Variants in HDC observed in about 807,000 individuals in gnomAD.
HDC encodes the protein histidine decarboxylase.
A neutral mutation model predicts 64.4 loss-of-function variants in HDC; 27 were observed. That is an observed-to-expected ratio of 0.42 (90% CI 0.31 to 0.58). The LOEUF is 0.58. HDC is among the 20% of genes least tolerant of loss of function. The pLI is 0.16. For missense variants in HDC, 711 were observed against 833.9 expected, an observed-to-expected ratio of 0.85 and a Z score of 1.81; for synonymous variants, 305 against 314.2, an observed-to-expected ratio of 0.97 and a Z score of 0.31.
chr15:50,264,570 T>C (rs2140945427), intron 1 of HDC, among the ~76,000 whole-genome samples: 1 of 152,314 alleles, frequency 6.6e-6, no homozygotes, highest in East Asian at 1.9e-4. Flanking sequence ...CAGTCTTCAG[T>C]GCCTCTGTTG....
At chr15:50,262,733 G>A (rs1006814526) in intron 2 of HDC, among the ~76,000 whole-genome samples, 12 of 152,192 alleles carry the variant, frequency 7.9e-5, no homozygotes, top group Admixed American at 1.3e-4. Flanking sequence ...CTGGGCCAAC[G>A]CAACCTGGTC....
chr15:50,258,926 C>T (rs1404076249), intron 2 of HDC, among the ~76,000 whole-genome samples: 4 of 151,802 alleles, frequency 2.6e-5, no homozygotes, highest in Non-Finnish European at 4.4e-5. Context: ...TTTGGGAGGC[C>T]GAGGCAGGTG....
At position 50,258,197 on chromosome 15, in the gene HDC, C is replaced by T. The variant is rs143053681; in HGVS notation, c.318+207G>A. Among the ~76,000 whole-genome samples the T allele has an allele frequency of 1.4e-3, 220 of 152,200 alleles. 1 individual carries two copies. The highest frequency in any genetic ancestry group is 5.1e-3 in the African/African-American group (212 of 41,532). ...AGTTGCTTAAGCCTCGATTTCTTCA[C>T]CTACAAAATGGGATCAATACTCGTG... On this transcript the variant is annotated intron_variant, in intron 3 of 11. Coordinates refer to ENST00000267845, the MANE Select transcript of HDC (RefSeq NM_002112.4).
chr15:50,247,794 T>C (rs2045502098), intron 10 of HDC, among the ~76,000 whole-genome samples: 2 of 152,220 alleles, frequency 1.3e-5, no homozygotes, highest in African/African-American at 4.8e-5. Flanking sequence ...TGTTCCAGAC[T>C]TGGTAGGTCT....
chr15:50,261,275 T>C (rs537270131), intron 2 of HDC, among the ~76,000 whole-genome samples: 1 of 152,238 alleles, frequency 6.6e-6, no homozygotes, highest in Non-Finnish European at 1.5e-5. Context: ...CTTGATCAAA[T>C]GAATCAGCTC....
At chr15:50,250,045 G>T (rs1271422460) in intron 9 of HDC, among the ~76,000 whole-genome samples, 1 of 152,212 alleles carries the variant, frequency 6.6e-6, no homozygotes, top group African/African-American at 2.4e-5. Flanking sequence ...CCTTGCCAAG[G>T]CTAAGGTAAC....
chr15:50,257,103 C>G (rs1422960463), intron 4 of HDC, among the ~76,000 whole-genome samples: 1 of 152,162 alleles, frequency 6.6e-6, no homozygotes, highest in Non-Finnish European at 1.5e-5. Flanking sequence ...TTCTCCTTTC[C>G]CCTTTTACCG....
In HDC at chr15:50,265,615, C is replaced by G. The variant is rs1264102414; in HGVS notation, c.9G>C (p.Glu3Asp). Residue 3 changes from glutamate to aspartate, a missense_variant, in exon 1 of 12, where the codon GAG (glutamate) becomes GAC (aspartate). By Grantham distance (45) the Glu-to-Asp change is conservative. Around this residue, in one of 3 missense-constraint regions of HDC, gnomAD observed 225 missense variants for 276.2 expected, o/e 0.81. Coordinates refer to ENST00000267845, the MANE Select transcript of HDC (RefSeq NM_002112.4). MM[E>D]PEEYRERGRE... ...CACCTCTCTCTCTGTACTCCTCAGGCTCCATCATCTCCCTTGGGCTCTGGC... is the reference window on the plus strand; with the variant it reads ...CACCTCTCTCTCTGTACTCCTCAGGGTCCATCATCTCCCTTGGGCTCTGGC... 1.9e-6 allele frequency: 3 copies of G among 1,613,778 alleles called. No homozygotes were observed. In the African/African-American group the frequency reaches 4.0e-5, roughly 22 times the overall value.
rs1206053067 is a variant in HDC at position 50,248,664 on chromosome 15, A to G, written c.1042-321T>C. Among the ~76,000 whole-genome samples the G allele has an allele frequency of 6.6e-6, 1 of 152,234 alleles. No homozygotes were observed. The highest frequency in any genetic ancestry group is 1.5e-5 in the Non-Finnish European group (1 of 68,032). Reference sequence around the variant, plus strand: ...CATTTCATCCCGGCCCAGAAACTCAACATAAGGGAAATACATTTTTACTCT... The same window carrying G: ...CATTTCATCCCGGCCCAGAAACTCAGCATAAGGGAAATACATTTTTACTCT... On this transcript the variant is annotated intron_variant, in intron 9 of 11. Transcript: ENST00000267845. This position sits in a 1 kb window ranked among gnomAD's most constrained non-coding sequence, Gnocchi z 4.3.
chr15:50,252,989 A>C (rs1308513714), intron 7 of HDC: 5 of 594,884 alleles, frequency 8.4e-6, no homozygotes, highest in African/African-American at 5.6e-5. Context: ...ACAAAGCCTC[A>C]CCCTTGCCTT....
chr15:50,251,549 T>C (rs1194427271), intron 9 of HDC, among the ~76,000 whole-genome samples: 1 of 152,192 alleles, frequency 6.6e-6, no homozygotes, highest in Non-Finnish European at 1.5e-5. Context: ...TTATGTGTAA[T>C]ACATTCGTTT....
intron 1 of HDC, among the ~76,000 whole-genome samples, chr15:50,265,126 G>A (rs2045750539): frequency 6.6e-6 from 1 of 152,154 alleles, no homozygotes; most frequent in Non-Finnish European, 1.5e-5. Flanking sequence ...TACAGAGTAG[G>A]CACCTACTAA....
At position 50,248,351 on chromosome 15, in the gene HDC, CAAAG is replaced by C; in HGVS notation, c.1042-12_1042-9del. On this transcript the variant is annotated splice_polypyrimidine_tract_variant and intron_variant, in intron 9 of 11. Transcript: ENST00000267845. The surrounding 1 kb of genome is among the most constrained non-coding windows in gnomAD (Gnocchi z 4.3). Reference sequence around the variant, plus strand: ...CAGGGGGATCTGCCAGTGCTAGAAACAAAGGAACACAGTGCCCAAGGTTAGAGAC... The same window carrying C: ...CAGGGGGATCTGCCAGTGCTAGAAACGAACACAGTGCCCAAGGTTAGAGAC... 1 of 1,605,114 alleles carries C rather than the reference CAAAG, an allele frequency of 6.2e-7. No individual in the cohort carries two copies. The highest frequency in any genetic ancestry group is 8.5e-7 in the Non-Finnish European group (1 of 1,172,030).
chr15:50,253,946 G>T (rs113710118), intron 6 of HDC, 184 bp downstream of exon 6: 2 of 692,502 alleles, frequency 2.9e-6, no homozygotes, highest in African/African-American at 3.6e-5. Context: ...TTTTAATGCT[G>T]GTTATGACCC....
At chr15:50,264,448 T>G (rs1310515683) in intron 1 of HDC, among the ~76,000 whole-genome samples, 1 of 152,114 alleles carries the variant, frequency 6.6e-6, no homozygotes, top group African/African-American at 2.4e-5. Flanking sequence ...TAGGATATTT[T>G]TTAGATGCTA....
At chr15:50,253,142 G>A (rs529699951) in intron 7 of HDC, 84 of 390,060 alleles carry the variant, frequency 2.2e-4, no homozygotes, top group Middle Eastern at 7.8e-4. Flanking sequence ...CTCTTTCCTA[G>A]TGGTTTCTTG....
In HDC at chr15:50,260,726, G is replaced by A. The variant is rs143334478; in HGVS notation, c.205-2209C>T. Among the ~76,000 whole-genome samples the A allele has an allele frequency of 3.9e-5, 6 of 152,306 alleles. No individual in the cohort carries two copies. In the East Asian group the frequency reaches 1.2e-3, roughly 29 times the overall value. On this transcript the variant is annotated intron_variant, in intron 2 of 11. Coordinates refer to ENST00000267845, the MANE Select transcript of HDC (RefSeq NM_002112.4). Reference sequence around the variant, plus strand: ...TTGCAGGCGAGAACTGGGGCTGACAGAGAGAGGCCACATCCCTGTGGTCAC... The same window carrying A: ...TTGCAGGCGAGAACTGGGGCTGACAAAGAGAGGCCACATCCCTGTGGTCAC...
At chr15:50,250,739 T>A (rs938124460) in intron 9 of HDC, among the ~76,000 whole-genome samples, 2 of 152,226 alleles carry the variant, frequency 1.3e-5, no homozygotes, top group African/African-American at 2.4e-5. Context: ...GGAATTTTTT[T>A]AATTTTTCAT....
chr15:50,243,965 G>T (rs902555859), intron 10 of HDC, among the ~76,000 whole-genome samples: 1 of 152,198 alleles, frequency 6.6e-6, no homozygotes, highest in Non-Finnish European at 1.5e-5. Flanking sequence ...CCACTGAATT[G>T]TACACTTAAA....
Sources: allele counts gnomAD v4.1 joint callset (sites outside exome capture counted in the v4.1 genomes callset), GRCh38; gene constraint gnomAD v4.1.1; regional missense constraint gnomAD v4.1.1; non-coding constraint Gnocchi (gnomAD v3.1); transcripts MANE v1.5; gene names NCBI Gene and HGNC (gene_info 2026-07-23, HGNC 2026-07-21).